The following ACO1 variants were observed in gnomAD, a reference collection of about 807,000 sequenced individuals.
ACO1 encodes cytoplasmic aconitate hydratase.
In ACO1, 78 loss-of-function variants were observed where a neutral mutation model predicts 105.1. That is an observed-to-expected ratio of 0.74 (90% CI 0.62 to 0.90). ACO1 has a LOEUF of 0.90. ACO1 is among the 40% of genes least tolerant of loss of function. The probability of loss-of-function intolerance (pLI) is 0.00; values close to 1 mark genes in which losing one functional copy is unlikely to be tolerated. For missense variants in ACO1, 965 were observed against 1,111.1 expected, an observed-to-expected ratio of 0.87 and a Z score of 1.87; for synonymous variants, 364 against 397.4, an observed-to-expected ratio of 0.92 and a Z score of 1.00.
chr9:32,411,195 C>T (rs116370023), intron 4 of ACO1, among the ~76,000 whole-genome samples: 1 of 152,134 alleles, frequency 6.6e-6, no homozygotes, highest in South Asian at 2.1e-4. Context: ...GATTACACCA[C>T]AAGGGTTTTG....
At chr9:32,444,892 G>A (rs1272749537) in intron 19 of ACO1, among the ~76,000 whole-genome samples, 2 of 152,110 alleles carry the variant, frequency 1.3e-5, no homozygotes, top group African/African-American at 4.8e-5. Flanking sequence ...TTTGTCTTTG[G>A]TTCTGTTTAT....
At position 32,429,859 on chromosome 9, in the gene ACO1, G is replaced by A. The variant is rs371168932; in HGVS notation, c.1569+356G>A. On this transcript the variant is annotated intron_variant, in intron 13 of 20. Coordinates refer to ENST00000309951, the MANE Select transcript of ACO1 (RefSeq NM_002197.3). Reference sequence around the variant, plus strand: ...CTACAGTTGTTTGTTATAGGTATTGGGTTAGTGCAAAAGTAACTGTGATTT... The same window carrying A: ...CTACAGTTGTTTGTTATAGGTATTGAGTTAGTGCAAAAGTAACTGTGATTT... 1.5e-4 allele frequency among the ~76,000 whole-genome samples: 23 copies of A among 152,198 alleles called. No individual in the cohort carries two copies. The East Asian group carries it at 2.9e-3, about 19-fold the overall frequency.
intron 11 of ACO1, among the ~76,000 whole-genome samples, chr9:32,426,728 C>A (rs1468342223): frequency 6.6e-6 from 1 of 152,130 alleles, no homozygotes; most frequent in East Asian, 1.9e-4. Flanking sequence ...ATGTCCCCAC[C>A]CCCACTGCTC....
intron 12 of ACO1, among the ~76,000 whole-genome samples, chr9:32,428,543 T>C (rs1332123764): frequency 1.3e-5 from 2 of 151,126 alleles, no homozygotes; most frequent in African/African-American, 2.4e-5. Flanking sequence ...AAAAGAACAA[T>C]AAAAAGTCAG....
chr9:32,427,953 T>C (rs1822137051), intron 12 of ACO1, among the ~76,000 whole-genome samples: 1 of 152,114 alleles, frequency 6.6e-6, no homozygotes, highest in African/African-American at 2.4e-5. Context: ...GAAGTTTTTA[T>C]TTTTTTACTT....
chr9:32,441,371 A>G (rs933191041), intron 19 of ACO1, among the ~76,000 whole-genome samples: 34 of 152,278 alleles, frequency 2.2e-4, no homozygotes, highest in African/African-American at 8.2e-4. Context: ...CCTGATGTCA[A>G]TTTAAATCAT....
intron 4 of ACO1, among the ~76,000 whole-genome samples, chr9:32,415,394 A>G (rs191977436): frequency 1.3e-5 from 2 of 152,312 alleles, no homozygotes; most frequent in Admixed American, 1.3e-4. Context: ...AGCTATAGGT[A>G]CTAAGTGGTG....
intron 19 of ACO1, among the ~76,000 whole-genome samples, chr9:32,442,024 G>A (rs774985946): frequency 5.3e-5 from 8 of 151,884 alleles, no homozygotes; most frequent in East Asian, 1.9e-4. Context: ...AAGATCTACC[G>A]CCCCAAAGAA....
At chr9:32,427,099 C>T (rs952763011) in intron 11 of ACO1, among the ~76,000 whole-genome samples, 2 of 152,116 alleles carry the variant, frequency 1.3e-5, no homozygotes, top group African/African-American at 4.8e-5. Flanking sequence ...GAGTTTACTG[C>T]ATATATCTAA....
rs1214239276 is a variant in ACO1 at position 32,434,664 on chromosome 9, A to G, written c.2062A>G (p.Arg688Gly). 6.2e-7 allele frequency: 1 copy of G among 1,614,172 alleles called. No homozygotes were observed. Among genetic ancestry groups the G allele is most frequent in the Admixed American group, 1.7e-5 (1 of 60,020 alleles). Residue 688 changes from arginine (R) to glycine (G), a missense_variant, in exon 17 of 21, where the codon AGA becomes GGA. Coordinates refer to ENST00000309951, the MANE Select transcript of ACO1 (RefSeq NM_002197.3). The stretch of plus-strand genomic sequence containing the variant: ...CATCTCCCCAGCTGGAAATATTGCA[A>G]GAAACAGTCCTGCTGCTCGCTACTT... ...DHISPAGNIA[R>G]NSPAARYLTN... is the part of the protein sequence containing the mutation.
At chr9:32,387,684 A>C (rs7866419) in intron 1 of ACO1, among the ~76,000 whole-genome samples, 77,352 of 151,994 alleles carry the variant, frequency 0.51, 20,293 homozygotes, top group Non-Finnish European at 0.58. Context: ...CAGGTAGTGA[A>C]ATATTTTAGG....
intron 4 of ACO1, among the ~76,000 whole-genome samples, chr9:32,409,683 T>G (rs1166484981): frequency 6.6e-6 from 1 of 151,954 alleles, no homozygotes; most frequent in Non-Finnish European, 1.5e-5. Context: ...AGACCATATC[T>G]CTACAAATAA....
At chr9:32,403,515 A>G (rs1373334698) in intron 1 of ACO1, among the ~76,000 whole-genome samples, 1 of 152,128 alleles carries the variant, frequency 6.6e-6, no homozygotes, top group Non-Finnish European at 1.5e-5. Context: ...ATACCAACTG[A>G]CTTTGTAGGG....
chr9:32,423,530 C>A, intron 9 of ACO1, 111 bp downstream of exon 9: 2 of 756,992 alleles, frequency 2.6e-6, no homozygotes, highest in Non-Finnish European at 4.5e-6. Flanking sequence ...ACTGCCAAGG[C>A]ATTACAAGAG....
rs778349532 is a variant in ACO1 at position 32,430,543 on chromosome 9, C to T, written c.1695C>T (p.Thr565=). The T allele has an allele frequency of 3.1e-6, 5 of 1,607,368 alleles. No individual in the cohort carries two copies. The highest frequency in any genetic ancestry group is 4.2e-6 in the Non-Finnish European group (5 of 1,177,196). ...TAATAGCATATGCAATTGCTGGAAC[C>T]ATCAGAATCGACTTTGAGAAAGAGC... ...PLVIAYAIAG[T]IRIDFEKEPL... Residue 565 remains threonine, a synonymous_variant, in exon 14 of 21, where the codon ACC becomes ACT. Transcript: ENST00000309951.
At chr9:32,418,236 G>A (rs182129295) in intron 5 of ACO1, 39 bp downstream of exon 5, 4 of 1,613,302 alleles carry the variant, frequency 2.5e-6, no homozygotes, top group Non-Finnish European at 3.4e-6. Context: ...GGTTTTCTTT[G>A]TAGGCAGGGT....
chr9:32,440,569 T>A lies in ACO1; in HGVS notation c.2352T>A (p.Ala784=), dbSNP rs563017135. 3 of 1,613,854 alleles carry A rather than the reference T, an allele frequency of 1.9e-6. No homozygotes were observed. In the African/African-American group the frequency reaches 4.0e-5, roughly 22 times the overall value. Residue 784 remains alanine (A), a synonymous_variant, in exon 19 of 21, where the codon GCT becomes GCA. Transcript: ENST00000309951. ...YGAGSSRDWA[A]KGPFLLGIKA... The stretch of plus-strand genomic sequence containing the variant: ...CAGGCAGCTCCCGAGACTGGGCAGC[T>A]AAGGGCCCTTTCCTGCTGGTGAGTA...
At position 32,418,319 on chromosome 9, in the gene ACO1, C is replaced by A; in HGVS notation, c.475-9C>A. On this transcript the variant is annotated splice_polypyrimidine_tract_variant and intron_variant, in intron 5 of 20. Coordinates refer to ENST00000309951, the MANE Select transcript of ACO1 (RefSeq NM_002197.3). ...CGTTCATAGTGTTCTTTCCATTTGT[C>A]AATCCCAGTGGGGTTCCCAGGCTTT... The A allele has an allele frequency of 6.2e-7, 1 of 1,613,812 alleles. No homozygotes were observed. Among genetic ancestry groups the A allele is most frequent in the South Asian group, 1.1e-5 (1 of 91,010 alleles).
chr9:32,440,696 G>C (rs539660694), intron 19 of ACO1, 109 bp downstream of exon 19: 1 of 1,407,792 alleles, frequency 7.1e-7, no homozygotes, highest in African/African-American at 1.4e-5. Context: ...GGAAGAGCAA[G>C]CTCAAAAAAG....
Sources: gnomAD v4.1 joint callset for allele counts (sites outside exome capture counted in the v4.1 genomes callset) on GRCh38, gnomAD v4.1.1 for gene constraint, MANE v1.5 for transcripts, NCBI Gene and HGNC (gene_info 2026-07-23, HGNC 2026-07-21) for gene names.